SNX31: variants seen among roughly 807,000 people sequenced by gnomAD.
SNX31 encodes the protein sorting nexin-31.
Under a neutral mutation model 65.4 loss-of-function variants are expected in SNX31, and 58 were observed. The observed-to-expected ratio is 0.89, with a 90% CI of 0.72 to 1.10. The LOEUF (loss-of-function observed/expected upper bound fraction) is 1.10. SNX31 is among the 50% of genes least tolerant of loss of function. SNX31 has a pLI of 0.00. For synonymous variants in SNX31, 181 were observed against 190.1 expected, an observed-to-expected ratio of 0.95 and a Z score of 0.39; for missense variants, 523 against 529.7, an observed-to-expected ratio of 0.99 and a Z score of 0.12.
chr8:100,639,029 A>G (rs1467936009), intron 2 of SNX31, among the ~76,000 whole-genome samples: 1 of 152,252 alleles, frequency 6.6e-6, no homozygotes, highest in African/African-American at 2.4e-5. Context: ...AAAAAGATCA[A>G]CAGCCACAAA....
intron 1 of SNX31, among the ~76,000 whole-genome samples, chr8:100,656,414 C>CAGGG: frequency 2.0e-5 from 3 of 151,800 alleles, no homozygotes; most frequent in Middle Eastern, 6.8e-3. Flanking sequence ...CCAAGGCAGG[C>CAGGG]AGATCACCTG....
At chr8:100,574,026 G>A in intron 13 of SNX31, 66 bp from the exon 14 acceptor site, 1 of 946,896 alleles carries the variant, frequency 1.1e-6, no homozygotes, top group Non-Finnish European at 1.6e-6. Flanking sequence ...CAATAACAAA[G>A]TCACAGAGGT....
chr8:100,600,947 A>C (rs1815567149), intron 8 of SNX31, among the ~76,000 whole-genome samples: 1 of 152,248 alleles, frequency 6.6e-6, no homozygotes, highest in Admixed American at 6.5e-5. Context: ...GTTAATATTT[A>C]TATAAAGCAA....
intron 4 of SNX31, among the ~76,000 whole-genome samples, chr8:100,620,427 C>G (rs1404727380): frequency 6.6e-6 from 1 of 152,166 alleles, no homozygotes; most frequent in Non-Finnish European, 1.5e-5. Flanking sequence ...ATTTCATTAT[C>G]AAAGGGCAAG....
At chr8:100,640,740 A>G (rs7820848) in intron 2 of SNX31, among the ~76,000 whole-genome samples, 72,285 of 151,682 alleles carry the variant, frequency 0.48, 17,491 homozygotes, top group African/African-American at 0.55. Flanking sequence ...ACAAATTCCA[A>G]GAAGGATATT....
chr8:100,598,803 T>C (rs117894296), intron 9 of SNX31, among the ~76,000 whole-genome samples: 2 of 152,328 alleles, frequency 1.3e-5, no homozygotes, highest in Non-Finnish European at 2.9e-5. Context: ...TATACAGACA[T>C]ATGGTCCCTG....
rs10608114 is a variant in SNX31, at chr8:100,580,156, T to TA, written c.1171-3082dup. Among the ~76,000 whole-genome samples, 1,154 of 124,446 alleles carry TA rather than the reference T, an allele frequency of 9.3e-3. 5 individuals carry two copies. Among genetic ancestry groups the TA allele is most frequent in the East Asian group, 0.017 (72 of 4,148 alleles). The allele number at this position is 124,446 out of a possible 152,430, so 81.6% of individuals were successfully genotyped here. ...CAGCCTGGGAGACAGAGCCTGTCTTTAAAAAAAAAAAAAAAAAAAAACAGT... is the reference window on the plus strand; with the variant it reads ...CAGCCTGGGAGACAGAGCCTGTCTTTAAAAAAAAAAAAAAAAAAAAAACAGT... On this transcript the variant is annotated intron_variant, in intron 12 of 13. Coordinates refer to ENST00000311812, the MANE Select transcript of SNX31 (RefSeq NM_152628.4).
intron 2 of SNX31, among the ~76,000 whole-genome samples, chr8:100,640,152 A>C (rs886653740): frequency 2.0e-5 from 3 of 148,596 alleles, no homozygotes; most frequent in Non-Finnish European, 4.4e-5. Flanking sequence ...TTGGAGACAG[A>C]GTCTTGCTCT....
At chr8:100,607,708 T>C (rs1816302038) in intron 8 of SNX31, among the ~76,000 whole-genome samples, 1 of 152,224 alleles carries the variant, frequency 6.6e-6, no homozygotes, top group African/African-American at 2.4e-5. Context: ...AATAGATACC[T>C]TATTTACCCT....
intron 10 of SNX31, among the ~76,000 whole-genome samples, chr8:100,595,169 C>G (rs2469661): frequency 0.42 from 64,492 of 152,036 alleles, 14,134 homozygotes; most frequent in African/African-American, 0.49. Flanking sequence ...CCATACGTTT[C>G]AAAGGGCTAA....
In SNX31 at chr8:100,614,520, AC is replaced by A. The variant is rs768509810; in HGVS notation, c.433-1436del. 2.6e-5 allele frequency among the ~76,000 whole-genome samples: 4 copies of A among 152,292 alleles called. No homozygotes were observed. Among genetic ancestry groups the A allele is most frequent in the Admixed American group, 6.5e-5 (1 of 15,296 alleles). On this transcript the variant is annotated intron_variant, in intron 5 of 13. Transcript: ENST00000311812. This position sits in a 1 kb window ranked among gnomAD's most constrained non-coding sequence, Gnocchi z 5.1. ...TAGCAAATGTTAATGATGATTCAAA[AC>A]ACGAACGCCATCACTAGCACCACAG...
chr8:100,652,762 A>G (rs1819997116), upstream of SNX31, among the ~76,000 whole-genome samples: 1 of 151,806 alleles, frequency 6.6e-6, no homozygotes, highest in Admixed American at 6.6e-5. Context: ...AGTCCTTCAC[A>G]CCCTTGGGCC....
chr8:100,649,504 T>C lies in SNX31; in HGVS notation c.11A>G (p.His4Arg). The change falls in exon 1 of 14, where the codon CAT (histidine) becomes CGT (arginine). Residue 4 changes from histidine to arginine, a missense_variant. Coordinates refer to ENST00000311812, the MANE Select transcript of SNX31 (RefSeq NM_152628.4). Reference sequence around the variant, plus strand: ...CTGCTGGGACACCGGGATACAGAAATGCATCTTCATGGCTGAGCGGTGTCT... The same window carrying C: ...CTGCTGGGACACCGGGATACAGAAACGCATCTTCATGGCTGAGCGGTGTCT... MKM[H>R]FCIPVSQQRS... The C allele has an allele frequency of 1.4e-6, 2 of 1,460,878 alleles. No individual in the cohort carries two copies. The highest frequency in any genetic ancestry group is 3.0e-5 in the East Asian group (1 of 33,856). 90.5% of individuals were successfully genotyped at this position (1,460,878 alleles called of 1,614,324 possible).
intron 4 of SNX31, among the ~76,000 whole-genome samples, chr8:100,627,789 A>G (rs1818144213): frequency 6.6e-6 from 1 of 152,104 alleles, no homozygotes; most frequent in Non-Finnish European, 1.5e-5. Context: ...CGCCCACCTC[A>G]GCCTCCCAAA....
intron 4 of SNX31, among the ~76,000 whole-genome samples, chr8:100,619,503 T>G (rs1438666911): frequency 6.6e-6 from 1 of 152,160 alleles, no homozygotes; most frequent in Admixed American, 6.5e-5. Flanking sequence ...GCTGGAGACA[T>G]TGTTAGGCCA....
chr8:100,644,320 C>A (rs904532414), intron 2 of SNX31, among the ~76,000 whole-genome samples: 15 of 152,156 alleles, frequency 9.9e-5, no homozygotes, highest in African/African-American at 3.6e-4. Context: ...TTCACAGAGC[C>A]CCATATCACT....
In SNX31 at chr8:100,577,433, G is replaced by A. The variant is rs150989351; in HGVS notation, c.1171-358C>T. 3.4e-3 allele frequency among the ~76,000 whole-genome samples: 521 copies of A among 152,274 alleles called. 2 individuals carry two copies. Among genetic ancestry groups the A allele is most frequent in the Non-Finnish European group, 3.6e-3 (243 of 68,020 alleles). On this transcript the variant is annotated intron_variant, in intron 12 of 13. Transcript: ENST00000311812. ...TCCATATGCTGACTCAAAGCCCAGCGGGGCTTTGGTTAATCAAAAGCCACC... is the reference window on the plus strand; with the variant it reads ...TCCATATGCTGACTCAAAGCCCAGCAGGGCTTTGGTTAATCAAAAGCCACC...
chr8:100,596,385 C>T (rs1815092898), intron 10 of SNX31, among the ~76,000 whole-genome samples: 1 of 152,112 alleles, frequency 6.6e-6, no homozygotes, highest in African/African-American at 2.4e-5. Flanking sequence ...GTTATTACTA[C>T]AGCCACCCTT....
Position 100,604,866 on chromosome 8 carries a change from G to T in SNX31, c.681+3628C>A, listed in dbSNP as rs945018653. On this transcript the variant is annotated intron_variant, in intron 8 of 13. Transcript: ENST00000311812. The surrounding 1 kb of genome is among the most constrained non-coding windows in gnomAD (Gnocchi z 4.3). ...TTATCACAACTCAAGAGCTTTTCAT[G>T]TTAACTTTTTTAAAGAATGACTGCT... 2.0e-5 allele frequency among the ~76,000 whole-genome samples: 3 copies of T among 151,826 alleles called. No individual in the cohort carries two copies. The highest frequency in any genetic ancestry group is 4.4e-5 in the Non-Finnish European group (3 of 67,960).
Sources: allele counts gnomAD v4.1 joint callset (sites outside exome capture counted in the v4.1 genomes callset), GRCh38; gene constraint gnomAD v4.1.1; non-coding constraint Gnocchi (gnomAD v3.1); transcripts MANE v1.5; gene names NCBI Gene and HGNC (gene_info 2026-07-23, HGNC 2026-07-21).